CLEC12A: variants seen among roughly 807,000 people sequenced by gnomAD.
The protein encoded by CLEC12A is C-type lectin protein CLL-1.
Under a neutral mutation model 26.5 loss-of-function variants are expected in CLEC12A, and 22 were observed. The ratio of observed to expected loss-of-function variants is 0.83; its 90% CI spans 0.59 to 1.19. The LOEUF is 1.19. CLEC12A is among the 50% of genes most tolerant of loss of function. The pLI, the probability that CLEC12A is intolerant of heterozygous loss-of-function variation, is 0.00. For synonymous variants in CLEC12A, 119 were observed against 101.9 expected (o/e 1.17, Z -1.01); for missense variants, 353 against 315.6 (o/e 1.12, Z -0.90).
intron 1 of CLEC12A, among the ~76,000 whole-genome samples, chr12:9,959,179 G>A (rs1463457444): frequency 6.6e-6 from 1 of 152,182 alleles, no homozygotes; most frequent in African/African-American, 2.4e-5. Context: ...GGCTGGGCGT[G>A]GTGGCTCACT....
chr12:9,986,369 A>G (rs1202286735), downstream of CLEC12A, among the ~76,000 whole-genome samples: 2 of 147,138 alleles, frequency 1.4e-5, no homozygotes, highest in African/African-American at 5.0e-5. Context: ...AAAGATTAGG[A>G]CTGAAATTGA....
At chr12:9,955,380 C>T (rs1863727797) in intron 1 of CLEC12A, among the ~76,000 whole-genome samples, 1 of 152,142 alleles carries the variant, frequency 6.6e-6, no homozygotes, top group Admixed American at 6.5e-5. Context: ...AGCAATCATG[C>T]CCAGCCAACT....
downstream of CLEC12A, among the ~76,000 whole-genome samples, chr12:9,999,588 A>G (rs992915725): frequency 4.6e-5 from 7 of 152,220 alleles, no homozygotes; most frequent in Non-Finnish European, 7.3e-5. Context: ...GATAGGGGCT[A>G]AATTAGCTGT....
chr12:9,973,850 C>A (rs547825893), intron 1 of CLEC12A, among the ~76,000 whole-genome samples: 1 of 147,102 alleles, frequency 6.8e-6, no homozygotes, highest in African/African-American at 2.5e-5. Context: ...TCCTTCTCTG[C>A]TTTTCCTTTT....
intron 1 of CLEC12A, among the ~76,000 whole-genome samples, chr12:9,974,276 T>C (rs1453980456): frequency 6.6e-6 from 1 of 152,204 alleles, no homozygotes; most frequent in East Asian, 1.9e-4. Context: ...TCATTCTTTG[T>C]TGATTCCTCC....
chr12:9,997,237 C>T (rs771729842), downstream of CLEC12A: 2 of 1,613,292 alleles, frequency 1.2e-6, no homozygotes, highest in Non-Finnish European at 1.7e-6. Context: ...AGTTCCTGTG[C>T]GATTTTCATT....
At chr12:9,972,402 A>G (rs549721374) in intron 1 of CLEC12A, among the ~76,000 whole-genome samples, 97 of 152,214 alleles carry the variant, frequency 6.4e-4, no homozygotes, top group African/African-American at 2.3e-3. Flanking sequence ...ACTACTCTTC[A>G]TCTTACTCAG....
the CLEC12A span, among the ~76,000 whole-genome samples, chr12:10,002,587 C>T: frequency 9.5e-4 from 144 of 151,258 alleles, 1 homozygote; most frequent in East Asian, 9.0e-3. Flanking sequence ...GGACTACAGG[C>T]GCCCGCCACC....
Position 9,985,000 on chromosome 12 carries a change from G to T in CLEC12A, c.772G>T (p.Gly258Cys), listed in dbSNP as rs369345313. The change falls in exon 6 of 6, where the codon GGT (glycine) becomes TGT (cysteine). Residue 258 changes from glycine (G) to cysteine (C), a missense_variant. Physicochemically the swap from Gly to Cys is radical, Grantham distance 159. Transcript: ENST00000304361. ...GAAGATGGCCAATCCAGTGCAGCTT[G>T]GTTCTACATATTTTAGGGAGGCATG... Reference protein sequence around the residue: ...CEKMANPVQLGSTYFREA With the variant: ...CEKMANPVQLCSTYFREA 1 of 1,533,352 alleles carries T rather than the reference G, an allele frequency of 6.5e-7. No individual in the cohort carries two copies. Among genetic ancestry groups the T allele is most frequent in the Non-Finnish European group, 8.8e-7 (1 of 1,139,220 alleles). The allele number at this position is 1,533,352 out of a possible 1,614,324, so 95.0% of individuals were successfully genotyped here.
At chr12:9,998,986 C>A, downstream of CLEC12A, 1 of 1,036,806 alleles carries the variant, frequency 9.6e-7, no homozygotes, top group Non-Finnish European at 1.5e-6. Context: ...AGAATTGAAT[C>A]AACTCATTTT....
downstream of CLEC12A, chr12:9,999,152 T>G: frequency 8.2e-7 from 1 of 1,219,110 alleles, no homozygotes; most frequent in Non-Finnish European, 1.2e-6. Context: ...TTGCAAAATG[T>G]AGTTTCCAAC....
intron 1 of CLEC12A, among the ~76,000 whole-genome samples, chr12:9,957,484 T>C (rs1252976296): frequency 1.5e-5 from 2 of 130,046 alleles, no homozygotes; most frequent in East Asian, 4.3e-4. Flanking sequence ...GAGTGAGACT[T>C]CATCTCAAAA....
At chr12:9,972,375 A>G (rs1037718459) in intron 1 of CLEC12A, among the ~76,000 whole-genome samples, 6 of 152,170 alleles carry the variant, frequency 3.9e-5, no homozygotes, top group African/African-American at 1.4e-4. Flanking sequence ...ATCTGTGTTG[A>G]CTTTCACTTA....
At position 9,985,167 on chromosome 12, in the gene CLEC12A, C is replaced by A; in HGVS notation, c.*141C>A. On this transcript the variant is annotated 3_prime_UTR_variant, in exon 6 of 6. Coordinates refer to ENST00000304361, the MANE Select transcript of CLEC12A (RefSeq NM_138337.6). ...TCATGCAGATGAAACATCCAGGTAG[C>A]AAGCTTCAGAGAGAATAGACTGTGA... 3 of 946,544 alleles carry A rather than the reference C, an allele frequency of 3.2e-6. No individual in the cohort carries two copies. Among genetic ancestry groups the A allele is most frequent in the Non-Finnish European group, 4.3e-6 (3 of 698,568 alleles). The allele number at this position is 946,544 out of a possible 1,614,324, so 58.6% of individuals were successfully genotyped here.
chr12:9,999,280 G>A, downstream of CLEC12A: 1 of 489,066 alleles, frequency 2.0e-6, no homozygotes, highest in Admixed American at 3.6e-5. Context: ...CTTCTTCATA[G>A]CTGCTCAGAG....
intron 5 of CLEC12A, among the ~76,000 whole-genome samples, chr12:9,982,809 A>T (rs1222956644): frequency 6.6e-6 from 1 of 152,024 alleles, no homozygotes; most frequent in African/African-American, 2.4e-5. Flanking sequence ...TACTTTTTGG[A>T]GTCTCCAATG....
downstream of CLEC12A, among the ~76,000 whole-genome samples, chr12:9,987,002 C>A (rs888652310): frequency 6.6e-6 from 1 of 152,084 alleles, no homozygotes; most frequent in Non-Finnish European, 1.5e-5. Context: ...ACTATACTGT[C>A]ATAAAATCAC....
chr12:9,971,468 T>G lies in CLEC12A; in HGVS notation c.-129T>G. 7.1e-7 allele frequency: 1 copy of G among 1,401,602 alleles called. No homozygotes were observed. The highest frequency in any genetic ancestry group is 1.5e-5 in the African/African-American group (1 of 68,812). 86.8% of individuals were successfully genotyped at this position (1,401,602 alleles called of 1,614,324 possible). A position where few individuals can be genotyped will look rare whatever the true frequency, so the allele number is the denominator to read the frequency against. The stretch of plus-strand genomic sequence containing the variant: ...TAGGTTTATAAACAGAAGTTTAAAC[T>G]TGTAAGCTTAAGCTTCCGTTTATAA... On this transcript the variant is annotated 5_prime_UTR_variant, in exon 1 of 6. Coordinates refer to ENST00000304361, the MANE Select transcript of CLEC12A (RefSeq NM_138337.6).
chr12:10,004,116 C>A, the CLEC12A span, among the ~76,000 whole-genome samples: 1 of 152,114 alleles, frequency 6.6e-6, no homozygotes, highest in African/African-American at 2.4e-5. Flanking sequence ...CGGGCAGGTG[C>A]AGGAGTTGGG....
Sources: gnomAD v4.1 joint callset for allele counts (sites outside exome capture counted in the v4.1 genomes callset) on GRCh38, gnomAD v4.1.1 for gene constraint, MANE v1.5 for transcripts, NCBI Gene and HGNC (gene_info 2026-07-23, HGNC 2026-07-21) for gene names.